The following ADD3 variants were observed in gnomAD, a reference collection of about 807,000 sequenced individuals.
ADD3 encodes the protein adducin 3.
ADD3 carries 25 observed loss-of-function variants against 80.2 expected under a neutral mutation model. The observed-to-expected ratio is 0.31, with a 90% CI of 0.23 to 0.44. The LOEUF is 0.44. Among genes scored for constraint, ADD3 ranks in the 20% least tolerant of loss-of-function variants. The pLI, the probability that ADD3 is intolerant of heterozygous loss-of-function variation, is 1.00. For synonymous variants in ADD3, 284 were observed against 289.6 expected (o/e 0.98, Z 0.20); for missense variants, 829 against 847.5 (o/e 0.98, Z 0.27).
chr10:110,109,629 C>T (rs570597510), intron 2 of ADD3, among the ~76,000 whole-genome samples: 2 of 152,234 alleles, frequency 1.3e-5, no homozygotes, highest in Admixed American at 1.3e-4. Flanking sequence ...TCAGTTATAA[C>T]TACTTTGAAC....
intron 4 of ADD3, among the ~76,000 whole-genome samples, 198 bp downstream of exon 4, chr10:110,116,608 A>G (rs943544241): frequency 2.6e-5 from 4 of 152,136 alleles, no homozygotes; most frequent in African/African-American, 4.8e-5. Flanking sequence ...TCCCCTTACT[A>G]TCTATGTTGT....
chr10:110,079,485 T>C (rs963679374), intron 1 of ADD3, among the ~76,000 whole-genome samples: 1 of 151,284 alleles, frequency 6.6e-6, no homozygotes, highest in Non-Finnish European at 1.5e-5. Flanking sequence ...TGTGTGTGTG[T>C]GTGTGTGTGT....
chr10:110,032,421 G>A (rs755493384), intron 1 of ADD3, among the ~76,000 whole-genome samples: 33 of 152,130 alleles, frequency 2.2e-4, no homozygotes, highest in Non-Finnish European at 4.1e-4. Flanking sequence ...TGGTGACTTT[G>A]GAAAGATAAG....
chr10:110,109,970 C>T (rs1342905003), intron 2 of ADD3, among the ~76,000 whole-genome samples: 3 of 151,920 alleles, frequency 2.0e-5, no homozygotes, highest in Non-Finnish European at 4.4e-5. Context: ...TGATTTAAAT[C>T]GTGTATTTAA....
chr10:110,079,146 G>T (rs762579302), intron 1 of ADD3: 7 of 152,008 alleles, frequency 4.6e-5, no homozygotes, highest in Non-Finnish European at 1.0e-4. Context: ...CATTGAGAAG[G>T]CTTTTCTAGA....
chr10:110,054,774 C>T (rs184178951), intron 1 of ADD3, among the ~76,000 whole-genome samples: 95 of 152,100 alleles, frequency 6.2e-4, no homozygotes, highest in Middle Eastern at 3.4e-3. Flanking sequence ...CCACCATGCC[C>T]GGCTAATTTT....
At chr10:110,009,850 A>C (rs1293048317) in intron 1 of ADD3, among the ~76,000 whole-genome samples, 1 of 152,200 alleles carries the variant, frequency 6.6e-6, no homozygotes, top group Non-Finnish European at 1.5e-5. Context: ...AGTTCTTGAG[A>C]TAGTTGGTTA....
intron 1 of ADD3, among the ~76,000 whole-genome samples, chr10:110,087,016 A>C (rs1211309817): frequency 6.6e-6 from 1 of 151,982 alleles, no homozygotes; most frequent in Non-Finnish European, 1.5e-5. Flanking sequence ...CGCTTTAGAA[A>C]GTGGCTTTTA....
chr10:110,050,035 A>T (rs1255085429), intron 1 of ADD3, among the ~76,000 whole-genome samples: 1 of 152,106 alleles, frequency 6.6e-6, no homozygotes, highest in Non-Finnish European at 1.5e-5. Flanking sequence ...GGATGTAACT[A>T]ACTTGATTTT....
chr10:110,036,962 C>G (rs1456625171), intron 1 of ADD3, among the ~76,000 whole-genome samples: 3 of 152,148 alleles, frequency 2.0e-5, no homozygotes, highest in Non-Finnish European at 2.9e-5. Context: ...ACACGGTTAA[C>G]TAGACTAGTG....
intron 1 of ADD3, among the ~76,000 whole-genome samples, chr10:109,996,893 C>T (rs1009630459): frequency 6.6e-5 from 10 of 152,216 alleles, no homozygotes; most frequent in Admixed American, 6.5e-5. Flanking sequence ...TCAGGTTCTG[C>T]TATCATACAT....
intron 1 of ADD3, among the ~76,000 whole-genome samples, chr10:110,067,796 T>G (rs972386943): frequency 6.6e-6 from 1 of 152,236 alleles, no homozygotes; most frequent in Admixed American, 6.5e-5. Flanking sequence ...CTCAAGGTTC[T>G]CAGTTTTTCA....
At position 110,100,729 on chromosome 10, in the gene ADD3, G is replaced by A. The variant is rs766133787; in HGVS notation, c.76G>A (p.Asp26Asn). ...CATGCCTCACAAAGAGAGATATTTTGACCGCATCAATGAAAATGACCCAGA... is the reference window on the plus strand; with the variant it reads ...CATGCCTCACAAAGAGAGATATTTTAACCGCATCAATGAAAATGACCCAGA... ...PSMPHKERYF[D>N]RINENDPEYI... The change falls in exon 2 of 15, where the codon GAC becomes AAC. Residue 26 changes from aspartate (D) to asparagine (N), a missense_variant. Transcript: ENST00000356080. 1.3e-5 allele frequency: 21 copies of A among 1,613,892 alleles called. No homozygotes were observed. Among genetic ancestry groups the A allele is most frequent in the Middle Eastern group, 1.6e-4 (1 of 6,062 alleles).
intron 1 of ADD3, among the ~76,000 whole-genome samples, chr10:110,027,704 A>G (rs1409247083): frequency 6.6e-6 from 1 of 152,140 alleles, no homozygotes; most frequent in Non-Finnish European, 1.5e-5. Flanking sequence ...CTCCACTAGC[A>G]GTTTTTCTAG....
intron 1 of ADD3, among the ~76,000 whole-genome samples, chr10:110,070,734 A>C (rs1844575143): frequency 6.6e-6 from 1 of 152,158 alleles, no homozygotes; most frequent in Non-Finnish European, 1.5e-5. Flanking sequence ...CAGGGGTTGA[A>C]GGATAAAGAT....
In ADD3 at chr10:110,044,474, A is replaced by G. The variant is rs116836357; in HGVS notation, c.-30+36175A>G. On this transcript the variant is annotated intron_variant, in intron 1 of 14. Transcript: ENST00000356080. ...CTAGGAACCTAGAATTTTCCATACA[A>G]AATCAGACAAGCACTTCATGTATTC... Among the ~76,000 whole-genome samples, 500 of 152,312 alleles carry G rather than the reference A, an allele frequency of 3.3e-3. 2 individuals carry two copies. Among genetic ancestry groups the G allele is most frequent in the African/African-American group, 0.011 (478 of 41,570 alleles).
intron 1 of ADD3, among the ~76,000 whole-genome samples, chr10:110,079,933 A>G (rs1456628621): frequency 6.6e-6 from 1 of 152,164 alleles, no homozygotes; most frequent in African/African-American, 2.4e-5. Context: ...TATTTGGATC[A>G]TTTCCAAGTT....
At chr10:110,086,193 T>C (rs188653581) in intron 1 of ADD3, among the ~76,000 whole-genome samples, 2 of 152,146 alleles carry the variant, frequency 1.3e-5, no homozygotes, top group Non-Finnish European at 2.9e-5. Context: ...GGGCGGATCA[T>C]GAGGTCAGGA....
Position 110,124,240 on chromosome 10 carries a change from G to A in ADD3, c.1367G>A (p.Arg456Gln), listed in dbSNP as rs759997164. ...YMKVNVPEES[R>Q]NGETSPRTKI... ...AAAGTGAATGTGCCTGAGGAGTCTC[G>A]GAACGGAGAAACCAGTCCCCGAACC... is the stretch of plus-strand genomic sequence containing the variant. Residue 456 changes from arginine (R) to glutamine (Q), a missense_variant, in exon 10 of 15, where the codon CGG becomes CAG. Coordinates refer to ENST00000356080, the MANE Select transcript of ADD3 (RefSeq NM_016824.5). The A allele has an allele frequency of 4.3e-6, 7 of 1,614,094 alleles. No homozygotes were observed. The South Asian group carries it at 4.4e-5, about 10-fold the overall frequency.
Sources: gnomAD v4.1 joint callset for allele counts (sites outside exome capture counted in the v4.1 genomes callset) on GRCh38, gnomAD v4.1.1 for gene constraint, MANE v1.5 for transcripts, NCBI Gene and HGNC (gene_info 2026-07-23, HGNC 2026-07-21) for gene names.